Variants in PTPRD observed in about 807,000 individuals in gnomAD.
PTPRD encodes the protein receptor-type tyrosine-protein phosphatase delta.
In PTPRD, 34 loss-of-function variants were observed where a neutral mutation model predicts 214.5. That is an observed-to-expected ratio of 0.16 (90% confidence interval 0.12 to 0.21). PTPRD has a LOEUF of 0.21. Ranked by LOEUF, PTPRD falls within the 10% of genes least tolerant of loss-of-function variation. The pLI, the probability that PTPRD is intolerant of heterozygous loss-of-function variation, is 1.00. For missense variants in PTPRD, 2,545 were observed against 2,398.7 expected, an observed-to-expected ratio of 1.06 and a Z score of -1.27; for synonymous variants, 1,128 against 845.7, an observed-to-expected ratio of 1.33 and a Z score of -5.79.
At chr9:9,260,478 C>A (rs904979303) in intron 9 of PTPRD, among the ~76,000 whole-genome samples, 2 of 151,858 alleles carry the variant, frequency 1.3e-5, no homozygotes, top group South Asian at 2.1e-4. Flanking sequence ...TGTACAATAG[C>A]GCCTCTTGTC....
intron 3 of PTPRD, among the ~76,000 whole-genome samples, chr9:10,110,100 T>G (rs2098676916): frequency 6.6e-6 from 1 of 152,200 alleles, no homozygotes; most frequent in African/African-American, 2.4e-5. Flanking sequence ...AGATTAAATT[T>G]CCTCATAATA....
chr9:8,640,587 A>C lies in PTPRD; in HGVS notation c.65-3743T>G, dbSNP rs372248164. Among the ~76,000 whole-genome samples, 73 of 150,962 alleles carry C rather than the reference A, an allele frequency of 4.8e-4. No homozygotes were observed. The South Asian group carries it at 0.013, about 26-fold the overall frequency. On this transcript the variant is annotated intron_variant, in intron 12 of 45. Transcript: ENST00000381196. ...AAAAAAAAAAAAAACAAAAAAACCT[A>C]AAAGGGCTCTTAAATTTATTCTTTG...
chr9:10,485,116 C>G (rs748338110), intron 2 of PTPRD, among the ~76,000 whole-genome samples: 2 of 151,756 alleles, frequency 1.3e-5, no homozygotes, highest in African/African-American at 2.4e-5. Context: ...ATTTATTCAC[C>G]AGATTGTCTT....
rs557030563 is a variant in PTPRD at position 8,452,862 on chromosome 9, T to C, written c.3876-3025A>G. ...AAGAAAAAAACAAAGAGAAGTTGAG[T>C]GAAAGATCAATTCATGGTCTTGAAA... On this transcript the variant is annotated intron_variant, in intron 33 of 45. Coordinates refer to ENST00000381196, the MANE Select transcript of PTPRD (RefSeq NM_002839.4). 5.3e-5 allele frequency among the ~76,000 whole-genome samples: 8 copies of C among 152,280 alleles called. No homozygotes were observed. The East Asian group carries it at 1.4e-3, about 26-fold the overall frequency.
chr9:10,159,925 G>A (rs1484884641), intron 3 of PTPRD, among the ~76,000 whole-genome samples: 3 of 152,002 alleles, frequency 2.0e-5, no homozygotes, highest in Non-Finnish European at 2.9e-5. Context: ...GCAAGAATGA[G>A]GAGAAGGAAA....
chr9:9,079,560 G>C (rs1374112503), intron 10 of PTPRD, among the ~76,000 whole-genome samples: 2 of 151,900 alleles, frequency 1.3e-5, no homozygotes, highest in African/African-American at 4.8e-5. Flanking sequence ...GTAGTTGTTT[G>C]AGGAACCTTC....
chr9:8,668,290 A>G (rs939899840), intron 12 of PTPRD, among the ~76,000 whole-genome samples: 7 of 152,332 alleles, frequency 4.6e-5, no homozygotes, highest in Admixed American at 4.6e-4. Flanking sequence ...TATTCTTCTA[A>G]CCTAAAAGAG....
At chr9:10,517,033 G>C (rs2050358681) in intron 2 of PTPRD, among the ~76,000 whole-genome samples, 1 of 151,826 alleles carries the variant, frequency 6.6e-6, no homozygotes, top group South Asian at 2.1e-4. Flanking sequence ...CTTTCTTAAG[G>C]TTATTTTGTG....
At position 8,991,341 on chromosome 9, in the gene PTPRD, C is replaced by T. The variant is rs923133416; in HGVS notation, c.-104+27356G>A. ...ATTTGTTGTGCTTTTCTCTTGTTAA[C>T]CTATCTTTTGTTATAGGAGTGTCAG... is the stretch of plus-strand genomic sequence containing the variant. On this transcript the variant is annotated intron_variant, in intron 11 of 45. Transcript: ENST00000381196. 9.9e-5 allele frequency among the ~76,000 whole-genome samples: 15 copies of T among 152,024 alleles called. No homozygotes were observed. In the East Asian group the frequency reaches 2.9e-3, roughly 29 times the overall value.
chr9:8,341,639 G>A (rs933154854), intron 40 of PTPRD, 54 bp downstream of exon 40: 4 of 1,586,974 alleles, frequency 2.5e-6, no homozygotes, highest in East Asian at 2.2e-5. Flanking sequence ...ACGACTCAAA[G>A]ACAAACCCAG....
intron 3 of PTPRD, among the ~76,000 whole-genome samples, chr9:10,150,567 C>A (rs1592472828): frequency 2.0e-5 from 3 of 151,494 alleles, no homozygotes; most frequent in Admixed American, 2.0e-4. Flanking sequence ...TGTAACTGAC[C>A]AGTTAATGTG....
intron 3 of PTPRD, among the ~76,000 whole-genome samples, chr9:10,313,723 T>C (rs1157223545): frequency 6.6e-6 from 1 of 151,964 alleles, no homozygotes; most frequent in Non-Finnish European, 1.5e-5. Context: ...CTGCTTCCGA[T>C]GTGTTTTTAC....
chr9:8,693,014 G>A (rs755719415), intron 12 of PTPRD, among the ~76,000 whole-genome samples: 20 of 152,188 alleles, frequency 1.3e-4, no homozygotes, highest in Non-Finnish European at 2.2e-4. Context: ...CAGACTGCAT[G>A]TCCTGACACT....
intron 4 of PTPRD, among the ~76,000 whole-genome samples, chr9:9,957,376 G>A (rs1036967341): frequency 6.6e-6 from 1 of 152,070 alleles, no homozygotes; most frequent in African/African-American, 2.4e-5. Flanking sequence ...TTGTACACAT[G>A]CAGACAATAA....
chr9:9,798,997 TC>T (rs2153501178), intron 5 of PTPRD, among the ~76,000 whole-genome samples: 1 of 152,314 alleles, frequency 6.6e-6, no homozygotes, highest in South Asian at 2.1e-4. Context: ...TCACATTAGA[TC>T]CCCATCTTAC....
Position 8,725,824 on chromosome 9 carries a change from A to G in PTPRD, c.64+7956T>C, listed in dbSNP as rs145287107. The stretch of plus-strand genomic sequence containing the variant: ...GCAGAAGCAGGACTTGAACACAAGC[A>G]CTCTGCTCCAGGGTCCACATTCTTT... On this transcript the variant is annotated intron_variant, in intron 12 of 45. Coordinates refer to ENST00000381196, the MANE Select transcript of PTPRD (RefSeq NM_002839.4). 1.3e-3 allele frequency among the ~76,000 whole-genome samples: 197 copies of G among 152,226 alleles called. 1 individual carries two copies. The highest frequency in any genetic ancestry group is 4.5e-3 in the African/African-American group (187 of 41,536).
chr9:9,975,820 A>C (rs2095331006), intron 4 of PTPRD, among the ~76,000 whole-genome samples: 1 of 152,174 alleles, frequency 6.6e-6, no homozygotes, highest in African/African-American at 2.4e-5. Flanking sequence ...GTTAGGCCTA[A>C]ACTTCAGTTT....
intron 9 of PTPRD, among the ~76,000 whole-genome samples, chr9:9,233,432 A>G (rs911393957): frequency 1.3e-5 from 2 of 152,200 alleles, no homozygotes; most frequent in African/African-American, 4.8e-5. Flanking sequence ...ACACCGAGCC[A>G]AACCATATCA....
intron 11 of PTPRD, among the ~76,000 whole-genome samples, chr9:8,855,933 G>A (rs1303580679): frequency 6.6e-6 from 1 of 152,140 alleles, no homozygotes; most frequent in East Asian, 1.9e-4. Flanking sequence ...AATAATAGCT[G>A]ATAGCATGAG....
Sources: gnomAD v4.1 joint callset for allele counts (sites outside exome capture counted in the v4.1 genomes callset) on GRCh38, gnomAD v4.1.1 for gene constraint, MANE v1.5 for transcripts, NCBI Gene and HGNC (gene_info 2026-07-23, HGNC 2026-07-21) for gene names.